The following KLHL13 variants were observed in gnomAD, a reference collection of about 807,000 sequenced individuals.
KLHL13 encodes the protein kelch like family member 13.
A neutral mutation model predicts 37.1 loss-of-function variants in KLHL13; 10 were observed. The observed-to-expected ratio is 0.27, with a 90% CI of 0.17 to 0.46. The LOEUF is 0.46. Among genes scored for constraint, KLHL13 ranks in the 20% least tolerant of loss-of-function variants. KLHL13 has a pLI of 1.00. For missense variants in KLHL13, 360 were observed against 509.3 expected, an observed-to-expected ratio of 0.71 and a Z score of 2.82; for synonymous variants, 163 against 181.2, an observed-to-expected ratio of 0.90 and a Z score of 0.81.
At chrX:117,951,475 C>G (rs1933598319) in intron 1 of KLHL13, among the ~76,000 whole-genome samples, 2 of 109,837 alleles carry the variant, frequency 1.8e-5, no homozygotes, top group South Asian at 7.7e-4. Flanking sequence ...GAGGTGTTTG[C>G]CTGAAAGGAA....
At chrX:118,051,878 ACAT>A (rs2148073539) in intron 1 of KLHL13, among the ~76,000 whole-genome samples, 1 of 111,467 alleles carries the variant, frequency 9.0e-6, no homozygotes, top group African/African-American at 3.3e-5. Flanking sequence ...TAAGCAATAA[ACAT>A]CATGGCTGGT....
intron 1 of KLHL13, among the ~76,000 whole-genome samples, chrX:117,950,192 C>A (rs1043122663): frequency 8.9e-6 from 1 of 112,627 alleles, no homozygotes; most frequent in East Asian, 2.8e-4. Context: ...CCAGGCTGGG[C>A]GTGGTGGCTC....
chrX:117,953,111 T>C lies in KLHL13; in HGVS notation c.99-7536A>G, dbSNP rs1367166659. ...CTATAAAGACACATGCACACGTATG[T>C]TTATTGCGGCACTATTCACAATAGC... On this transcript the variant is annotated intron_variant, in intron 1 of 6. Transcript: ENST00000262820. 1.5e-4 allele frequency among the ~76,000 whole-genome samples: 17 copies of C among 110,269 alleles called. 1 individual carries two copies. The highest frequency in any genetic ancestry group is 1.1e-4 in the Non-Finnish European group (6 of 52,710).
chrX:117,925,618 T>C (rs933801739), intron 2 of KLHL13, among the ~76,000 whole-genome samples: 7 of 112,113 alleles, frequency 6.2e-5, no homozygotes, highest in African/African-American at 2.3e-4. Context: ...GTGCTCATTA[T>C]TATATAACAC....
intron 1 of KLHL13, among the ~76,000 whole-genome samples, chrX:118,086,808 G>C (rs905566086): frequency 2.7e-5 from 3 of 111,087 alleles, no homozygotes; most frequent in African/African-American, 9.8e-5. Flanking sequence ...ATGTGTGTTA[G>C]ATGCCTTTAT....
chrX:118,033,457 T>C (rs2054388004), intron 1 of KLHL13, among the ~76,000 whole-genome samples: 1 of 110,932 alleles, frequency 9.0e-6, no homozygotes, highest in Admixed American at 9.6e-5. Flanking sequence ...AAGAAAAGAA[T>C]TTTCAACCCA....
intron 2 of KLHL13, among the ~76,000 whole-genome samples, chrX:117,937,154 C>T (rs1047944826): frequency 3.6e-5 from 4 of 112,134 alleles, no homozygotes; most frequent in Non-Finnish European, 7.5e-5. Context: ...AACATTTACA[C>T]ATTAAACACT....
intron 1 of KLHL13, among the ~76,000 whole-genome samples, chrX:118,030,062 T>C (rs1217928393): frequency 9.0e-6 from 1 of 111,242 alleles, no homozygotes; most frequent in African/African-American, 3.3e-5. Flanking sequence ...TTCTTCATTG[T>C]CGTCAGCCCT....
intron 1 of KLHL13, among the ~76,000 whole-genome samples, chrX:118,109,127 A>G (rs140827080): frequency 2.6e-3 from 288 of 111,696 alleles, no homozygotes; most frequent in African/African-American, 8.8e-3. Context: ...AATAACCTCT[A>G]TTCTGAAAAT....
At chrX:118,114,354 A>G (rs1045798097) in intron 1 of KLHL13, among the ~76,000 whole-genome samples, 17 of 112,320 alleles carry the variant, frequency 1.5e-4, no homozygotes, top group African/African-American at 5.5e-4. Flanking sequence ...CAGATGGACT[A>G]TCAAACACAT....
chrX:117,939,891 T>C (rs944455388), intron 2 of KLHL13, among the ~76,000 whole-genome samples: 3 of 111,752 alleles, frequency 2.7e-5, no homozygotes, highest in Non-Finnish European at 5.6e-5. Flanking sequence ...TTCTGTAGGA[T>C]TCCTGTACAC....
chrX:118,070,905 C>T (rs998951642), intron 1 of KLHL13, among the ~76,000 whole-genome samples: 1 of 108,513 alleles, frequency 9.2e-6, no homozygotes, highest in African/African-American at 3.4e-5. Flanking sequence ...ATCCCTCCCC[C>T]CTTCCCCCAC....
chrX:117,974,067 G>T (rs7060794), upstream of KLHL13, among the ~76,000 whole-genome samples: 9,338 of 110,956 alleles, frequency 0.084, 348 homozygotes, highest in Middle Eastern at 0.14. Flanking sequence ...TCAAAATACT[G>T]CCAGAAAATA....
intron 1 of KLHL13, among the ~76,000 whole-genome samples, chrX:117,997,442 T>C (rs2147958974): frequency 8.9e-6 from 1 of 112,033 alleles, no homozygotes; most frequent in African/African-American, 3.2e-5. Flanking sequence ...TTACTGCCAC[T>C]GAGTTTTCAC....
intron 1 of KLHL13, among the ~76,000 whole-genome samples, chrX:118,014,479 C>A (rs1400300174): frequency 8.9e-6 from 1 of 112,069 alleles, no homozygotes; most frequent in African/African-American, 3.2e-5. Context: ...ACAATGCATG[C>A]ACAGCGGCAC....
chrX:117,985,447 T>C, intron 1 of KLHL13: 2 of 611,830 alleles, frequency 3.3e-6, no homozygotes, highest in Non-Finnish European at 4.1e-6. Flanking sequence ...TTTATATATT[T>C]AAAAAAAAAA....
At chrX:118,017,883 C>T (rs1236579937) in intron 1 of KLHL13, among the ~76,000 whole-genome samples, 1 of 111,551 alleles carries the variant, frequency 9.0e-6, no homozygotes, top group African/African-American at 3.3e-5. Context: ...TGAAAGACTA[C>T]ATTTGGAAGA....
chrX:118,021,778 G>T (rs1452011301), intron 1 of KLHL13, among the ~76,000 whole-genome samples: 1 of 111,364 alleles, frequency 9.0e-6, no homozygotes, highest in Non-Finnish European at 1.9e-5. Flanking sequence ...GGGTCAAATG[G>T]CATTTCTGGT....
intron 2 of KLHL13, among the ~76,000 whole-genome samples, chrX:117,925,797 T>A (rs763693057): frequency 3.1e-4 from 35 of 111,690 alleles, no homozygotes; most frequent in Middle Eastern, 9.2e-3. Context: ...GTGATAAAAA[T>A]TTTTTTTCAC....
Sources: allele counts gnomAD v4.1 joint callset (sites outside exome capture counted in the v4.1 genomes callset), GRCh38; gene constraint gnomAD v4.1.1; transcripts MANE v1.5; gene names NCBI Gene and HGNC (gene_info 2026-07-23, HGNC 2026-07-21).